NBEA: variants seen among roughly 807,000 people sequenced by gnomAD.
The protein encoded by NBEA is lysosomal-trafficking regulator 2.
In NBEA, 44 loss-of-function variants were observed where a neutral mutation model predicts 343.4. The ratio of observed to expected loss-of-function variants is 0.13; its 90% confidence interval spans 0.10 to 0.16. The LOEUF (loss-of-function observed/expected upper bound fraction) is 0.16. Among genes scored for constraint, NBEA ranks in the 10% least tolerant of loss-of-function variants. The pLI, the probability that NBEA is intolerant of heterozygous loss-of-function variation, is 1.00. For missense variants in NBEA, 2,555 were observed against 3,631.3 expected (o/e 0.70, Z 7.62); for synonymous variants, 1,175 against 1,238.7 (o/e 0.95, Z 1.08).
intron 40 of NBEA, among the ~76,000 whole-genome samples, chr13:35,466,978 G>A (rs2075411477): frequency 6.6e-6 from 1 of 151,942 alleles, no homozygotes; most frequent in Admixed American, 6.6e-5. Flanking sequence ...ATTTTTTACA[G>A]TATTTTTTCT....
At chr13:35,492,741 T>C (rs961771747) in intron 41 of NBEA, among the ~76,000 whole-genome samples, 3 of 151,846 alleles carry the variant, frequency 2.0e-5, no homozygotes, top group African/African-American at 7.2e-5. Context: ...TTGTAGATGG[T>C]GGTTTTTAAA....
At chr13:35,033,989 T>A (rs987457968) in intron 1 of NBEA, among the ~76,000 whole-genome samples, 1 of 151,780 alleles carries the variant, frequency 6.6e-6, no homozygotes, top group Non-Finnish European at 1.5e-5. Flanking sequence ...TTTGGATACC[T>A]TTTTCTAGCT....
At position 34,986,178 on chromosome 13, in the gene NBEA, A is replaced by G. The variant is rs1415169100; in HGVS notation, c.294+43064A>G. 2.0e-5 allele frequency among the ~76,000 whole-genome samples: 3 copies of G among 150,636 alleles called. 1 individual carries two copies. The highest frequency in any genetic ancestry group is 1.3e-4 in the Admixed American group (2 of 15,114). On this transcript the variant is annotated intron_variant, in intron 1 of 58. Transcript: ENST00000379939. Reference sequence around the variant, plus strand: ...CTTTCTCTTGTGGGCATTTAGTGCTATAAATTTCCCTCTACACACTGCTTT... The same window carrying G: ...CTTTCTCTTGTGGGCATTTAGTGCTGTAAATTTCCCTCTACACACTGCTTT...
intron 41 of NBEA, among the ~76,000 whole-genome samples, chr13:35,540,759 T>A (rs1261640596): frequency 1.3e-5 from 2 of 152,276 alleles, no homozygotes; most frequent in East Asian, 1.9e-4. Context: ...CTATCCTCAT[T>A]AAGTCCATTT....
chr13:35,519,983 C>T (rs1382445187), intron 41 of NBEA, among the ~76,000 whole-genome samples: 1 of 152,104 alleles, frequency 6.6e-6, no homozygotes, highest in African/African-American at 2.4e-5. Context: ...CAGCAGTCCC[C>T]AACCTTTTTG....
chr13:34,998,834 C>T (rs1233111095), intron 1 of NBEA, among the ~76,000 whole-genome samples: 1 of 152,004 alleles, frequency 6.6e-6, no homozygotes, highest in African/African-American at 2.4e-5. Flanking sequence ...CCTCAGCTTA[C>T]GAAGATGACG....
chr13:35,240,514 A>G lies in NBEA; in HGVS notation c.5776+7895A>G, dbSNP rs193017063. ...CACACCTGATTAAATCTGTATATTC[A>G]ACGTGTTGAATTATACCATGGGAAC... On this transcript the variant is annotated intron_variant, in intron 34 of 58. Transcript: ENST00000379939. Among the ~76,000 whole-genome samples the G allele has an allele frequency of 4.4e-3, 669 of 152,084 alleles. 5 individuals are homozygous for G. Among genetic ancestry groups the G allele is most frequent in the African/African-American group, 0.016 (645 of 41,554 alleles).
intron 49 of NBEA, among the ~76,000 whole-genome samples, chr13:35,633,780 G>A (rs556246088): frequency 6.6e-6 from 1 of 152,152 alleles, no homozygotes; most frequent in African/African-American, 2.4e-5. Flanking sequence ...TATCTTAGAA[G>A]AACTTTTGTT....
At chr13:35,550,779 C>T in intron 42 of NBEA, 151 bp from the exon 43 acceptor site, 1 of 649,150 alleles carries the variant, frequency 1.5e-6, no homozygotes, top group East Asian at 2.8e-5. Context: ...CTAGGTTTCT[C>T]ATGGATAAAG....
At chr13:34,947,446 G>A (rs960653656) in intron 1 of NBEA, among the ~76,000 whole-genome samples, 1 of 151,826 alleles carries the variant, frequency 6.6e-6, no homozygotes, top group Non-Finnish European at 1.5e-5. Flanking sequence ...CCCAGTGCCC[G>A]TTTTGTGTCA....
intron 34 of NBEA, among the ~76,000 whole-genome samples, chr13:35,236,773 T>A (rs568330786): frequency 0.016 from 2,386 of 151,332 alleles, 40 homozygotes; most frequent in African/African-American, 0.047. Flanking sequence ...TTTTTTTTTT[T>A]AAATCTCCCC....
intron 1 of NBEA, among the ~76,000 whole-genome samples, chr13:34,992,345 T>C (rs1205308001): frequency 6.7e-6 from 1 of 148,958 alleles, no homozygotes; most frequent in Non-Finnish European, 1.5e-5. Context: ...ACCTCTGCTT[T>C]CTGGATTCAA....
chr13:35,300,323 C>CA (rs2036457588), intron 35 of NBEA, among the ~76,000 whole-genome samples: 1 of 151,542 alleles, frequency 6.6e-6, no homozygotes, highest in Non-Finnish European at 1.5e-5. Flanking sequence ...GACTCTGTCT[C>CA]AAAAAACAAG....
At chr13:35,163,674 T>A (rs993015899) in intron 23 of NBEA, among the ~76,000 whole-genome samples, 1 of 152,132 alleles carries the variant, frequency 6.6e-6, no homozygotes, top group African/African-American at 2.4e-5. Context: ...AGGGTATTTT[T>A]TTGACATCTA....
At chr13:35,028,402 A>G (rs775656708) in intron 1 of NBEA, among the ~76,000 whole-genome samples, 25 of 151,860 alleles carry the variant, frequency 1.6e-4, no homozygotes, top group Non-Finnish European at 3.1e-4. Flanking sequence ...ATAGACAATT[A>G]ATTTTTTAGT....
At chr13:35,122,500 C>T (rs1377320384) in intron 16 of NBEA, among the ~76,000 whole-genome samples, 16 of 144,746 alleles carry the variant, frequency 1.1e-4, no homozygotes, top group African/African-American at 4.1e-4. Flanking sequence ...TGTTCTCACT[C>T]ATAGGTGGGA....
intron 38 of NBEA, among the ~76,000 whole-genome samples, chr13:35,404,194 G>A (rs1794028674): frequency 6.6e-6 from 1 of 152,092 alleles, no homozygotes; most frequent in Non-Finnish European, 1.5e-5. Flanking sequence ...AGTCAGCGTG[G>A]CGATTCCTCA....
At chr13:34,975,152 C>G (rs994591160) in intron 1 of NBEA, among the ~76,000 whole-genome samples, 1 of 152,130 alleles carries the variant, frequency 6.6e-6, no homozygotes, top group Non-Finnish European at 1.5e-5. Flanking sequence ...GACATAATTT[C>G]TTAAGTTCTG....
At chr13:35,563,133 A>AGAT (rs1393692741) in intron 44 of NBEA, among the ~76,000 whole-genome samples, 2 of 46,400 alleles carry the variant, frequency 4.3e-5, no homozygotes, top group African/African-American at 3.0e-4. Context: ...GTGTGTGTGG[A>AGAT]GATAGATAGA....
Sources: gnomAD v4.1 joint callset for allele counts (sites outside exome capture counted in the v4.1 genomes callset) on GRCh38, gnomAD v4.1.1 for gene constraint, MANE v1.5 for transcripts, NCBI Gene and HGNC (gene_info 2026-07-23, HGNC 2026-07-21) for gene names.